Variants in PNPLA7 observed in about 807,000 individuals in gnomAD.
PNPLA7 encodes the protein patatin like domain 7, lysophospholipase, also known as patatin-like phospholipase domain-containing protein 7.
In PNPLA7, 153 loss-of-function variants were observed where a neutral mutation model predicts 161.7. The observed-to-expected ratio is 0.95, with a 90% CI of 0.83 to 1.08. The LOEUF (loss-of-function observed/expected upper bound fraction) is 1.08, where lower values mean the gene tolerates loss of function less well. Ranked by LOEUF, PNPLA7 falls within the 50% of genes least tolerant of loss-of-function variation. The pLI is 0.00. For missense variants in PNPLA7, 1,739 were observed against 1,856.6 expected (o/e 0.94, Z 1.16); for synonymous variants, 809 against 782.1 (o/e 1.03, Z -0.57).
chr9:137,516,457 G>A, intron 11 of PNPLA7: 4 of 985,274 alleles, frequency 4.1e-6, no homozygotes, highest in Non-Finnish European at 4.8e-6. Flanking sequence ...GCCCCATCAA[G>A]TCACATGGAC....
At chr9:137,498,428 G>A (rs1233146855) in intron 16 of PNPLA7, among the ~76,000 whole-genome samples, 183 bp from the exon 17 acceptor site, 1 of 152,252 alleles carries the variant, frequency 6.6e-6, no homozygotes, top group Non-Finnish European at 1.5e-5. Context: ...GCACAGCACT[G>A]CCCACCACGT....
rs151061311 is a variant in PNPLA7, at chr9:137,522,806, T to C, written c.799A>G (p.Thr267Ala). 2.0e-5 allele frequency: 32 copies of C among 1,613,692 alleles called. No homozygotes were observed. The African/African-American group carries it at 4.0e-4, about 20-fold the overall frequency. The change falls in exon 9 of 35, where the codon ACC becomes GCC. Residue 267 changes from threonine to alanine, a missense_variant. Physicochemically the swap from Thr to Ala is moderately conservative, Grantham distance 58. Coordinates refer to ENST00000406427, the MANE Select transcript of PNPLA7 (RefSeq NM_001098537.3). ...TVSVRAAIPSTILRLPAAAFH... is the reference protein window; with the variant it reads ...TVSVRAAIPSAILRLPAAAFH... ...GCCGCAGCTGGAAGCCGGAGGATGG[T>C]GGACGGGATGGCCGCGCGGACGGAG...
chr9:137,498,820 C>T (rs563573726), intron 16 of PNPLA7, among the ~76,000 whole-genome samples: 3 of 152,268 alleles, frequency 2.0e-5, no homozygotes, highest in East Asian at 3.9e-4. Flanking sequence ...CGAGGTGGGA[C>T]GTGGGGCAAC....
At chr9:137,477,030 C>A (rs1329930043) in intron 25 of PNPLA7, among the ~76,000 whole-genome samples, 1 of 152,224 alleles carries the variant, frequency 6.6e-6, no homozygotes. Context: ...TGCTGGCACT[C>A]CGTGGGAGAT....
chr9:137,462,825 C>T lies in PNPLA7; in HGVS notation c.3352G>A (p.Ala1118Thr), dbSNP rs1367687758. The change falls in exon 30 of 35, where the codon GCC becomes ACC. Residue 1118 changes from alanine (A) to threonine (T), a missense_variant. Coordinates refer to ENST00000406427, the MANE Select transcript of PNPLA7 (RefSeq NM_001098537.3). ...GYINNLPADV[A>T]RSMGAKVVIA... ...ACCACTTTTGCCCCCATGGACCGGGCCACATCCGCTAGGGAGAAGCCAGCC... is the reference window on the plus strand; with the variant it reads ...ACCACTTTTGCCCCCATGGACCGGGTCACATCCGCTAGGGAGAAGCCAGCC... 6.2e-7 allele frequency: 1 copy of T among 1,613,698 alleles called. No homozygotes were observed. The highest frequency in any genetic ancestry group is 1.3e-5 in the African/African-American group (1 of 74,926).
In PNPLA7 at chr9:137,500,848, G is replaced by C; in HGVS notation, c.1600C>G (p.Arg534Gly). ...GTGTCCTCCTGGCTGCCGATCTTCC[G>C]CTGGTACACGTGCAGCAGCCCCGAG... ...VVSGLLHVYQ[R>G]KIGSQEDTCL... Residue 534 changes from arginine to glycine, a missense_variant, in exon 16 of 35, where the codon CGG becomes GGG. Physicochemically the swap from Arg to Gly is moderately radical, Grantham distance 125. Coordinates refer to ENST00000406427, the MANE Select transcript of PNPLA7 (RefSeq NM_001098537.3). The surrounding 1 kb of genome is among the most constrained non-coding windows in gnomAD (Gnocchi z 5.5). The C allele has an allele frequency of 6.3e-7, 1 of 1,595,898 alleles. No individual in the cohort carries two copies. Among genetic ancestry groups the C allele is most frequent in the Non-Finnish European group, 8.5e-7 (1 of 1,173,404 alleles).
At position 137,468,138 on chromosome 9, in the gene PNPLA7, C is replaced by G. The variant is rs1057140953; in HGVS notation, c.2883-665G>C. ...TCCTGAGGGGCAGCACCCCAGGAGTCAGATGAGCTGGATGTAGACCAGCAC... is the reference window on the plus strand; with the variant it reads ...TCCTGAGGGGCAGCACCCCAGGAGTGAGATGAGCTGGATGTAGACCAGCAC... On this transcript the variant is annotated intron_variant, in intron 25 of 34. Coordinates refer to ENST00000406427, the MANE Select transcript of PNPLA7 (RefSeq NM_001098537.3). This position sits in a 1 kb window ranked among gnomAD's most constrained non-coding sequence, Gnocchi z 4.0. Among the ~76,000 whole-genome samples the G allele has an allele frequency of 6.6e-6, 1 of 151,990 alleles. No individual in the cohort carries two copies. Among genetic ancestry groups the G allele is most frequent in the African/African-American group, 2.4e-5 (1 of 41,370 alleles).
intron 4 of PNPLA7, among the ~76,000 whole-genome samples, chr9:137,545,510 G>A (rs532430183): frequency 4.6e-5 from 7 of 152,326 alleles, no homozygotes; most frequent in South Asian, 4.1e-4. Flanking sequence ...TCTGGGGGCC[G>A]ACAGGGCCTT....
intron 14 of PNPLA7, among the ~76,000 whole-genome samples, chr9:137,502,712 CGGGGGACGCGGGGGACGG>C (rs770737738): frequency 4.9e-4 from 4 of 8,212 alleles, no homozygotes; most frequent in East Asian, 4.8e-3. Context: ...GCGGGGGACG[CGGGGGACGCGGGGGACGG>C]GGGGGACGAG....
chr9:137,488,156 T>C (rs1832585946), intron 20 of PNPLA7, among the ~76,000 whole-genome samples: 1 of 152,236 alleles, frequency 6.6e-6, no homozygotes, highest in South Asian at 2.1e-4. Context: ...TGATGTCTCG[T>C]CCCGAGCTTC....
intron 25 of PNPLA7, among the ~76,000 whole-genome samples, chr9:137,475,146 T>C (rs1831889760): frequency 6.6e-6 from 1 of 151,972 alleles, no homozygotes; most frequent in South Asian, 2.1e-4. Flanking sequence ...AAGGGTCCAC[T>C]GGGAATCCAG....
chr9:137,480,887 G>A, intron 22 of PNPLA7, 73 bp downstream of exon 22: 1 of 1,442,074 alleles, frequency 6.9e-7, no homozygotes, highest in Non-Finnish European at 9.5e-7. Flanking sequence ...GCTGGATGTG[G>A]ACACAGTGGG....
Position 137,543,861 on chromosome 9 carries a change from A to G in PNPLA7, c.274-46T>C, listed in dbSNP as rs746563498. 3.3e-6 allele frequency: 5 copies of G among 1,515,170 alleles called. No individual in the cohort carries two copies. The East Asian group carries it at 1.1e-4, about 34-fold the overall frequency. 93.9% of individuals were successfully genotyped at this position (1,515,170 alleles called of 1,614,324 possible). On this transcript the variant is annotated intron_variant, in intron 4 of 34. Coordinates refer to ENST00000406427, the MANE Select transcript of PNPLA7 (RefSeq NM_001098537.3). The surrounding 1 kb of genome is among the most constrained non-coding windows in gnomAD (Gnocchi z 6.9). Reference sequence around the variant, plus strand: ...CCAGCCACTGACCCTGCAAGCCGCAAGGTCCAAGCTCTTTGCCATGGGGAT... The same window carrying G: ...CCAGCCACTGACCCTGCAAGCCGCAGGGTCCAAGCTCTTTGCCATGGGGAT...
intron 12 of PNPLA7, among the ~76,000 whole-genome samples, chr9:137,513,202 GT>G (rs1345708313): frequency 2.0e-5 from 3 of 151,928 alleles, no homozygotes; most frequent in Non-Finnish European, 2.9e-5. Context: ...AATAAAAATA[GT>G]CTTTGAGGCC....
At chr9:137,508,040 A>T (rs557569687) in intron 12 of PNPLA7, among the ~76,000 whole-genome samples, 20 of 152,094 alleles carry the variant, frequency 1.3e-4, no homozygotes, top group Admixed American at 1.1e-3. Context: ...CAAAAATTTT[A>T]AAAACCAGCC....
At chr9:137,480,929 G>C in intron 22 of PNPLA7, 31 bp downstream of exon 22, 1 of 1,550,138 alleles carries the variant, frequency 6.5e-7, no homozygotes, top group Non-Finnish European at 8.7e-7. Context: ...GGGCCGGCTG[G>C]GAGGAAGGAG....
intron 11 of PNPLA7, among the ~76,000 whole-genome samples, chr9:137,518,783 C>T (rs1588665615): frequency 1.5e-5 from 1 of 65,032 alleles, no homozygotes; most frequent in Non-Finnish European, 3.0e-5. Flanking sequence ...CACTCCATCC[C>T]CCACTCACTC....
At chr9:137,475,435 C>T (rs1052229103) in intron 25 of PNPLA7, among the ~76,000 whole-genome samples, 1 of 152,146 alleles carries the variant, frequency 6.6e-6, no homozygotes, top group South Asian at 2.1e-4. Flanking sequence ...AGGGCAGTGG[C>T]GCAATCTCAG....
intron 1 of PNPLA7, among the ~76,000 whole-genome samples, chr9:137,548,267 C>T (rs540905110): frequency 4.6e-5 from 7 of 152,284 alleles, no homozygotes; most frequent in African/African-American, 1.2e-4. Context: ...GACGAGAAGA[C>T]GACACCAGCC....
Sources: gnomAD v4.1 joint callset for allele counts (sites outside exome capture counted in the v4.1 genomes callset) on GRCh38, gnomAD v4.1.1 for gene constraint, Gnocchi (gnomAD v3.1) non-coding constraint, MANE v1.5 for transcripts, NCBI Gene and HGNC (gene_info 2026-07-23, HGNC 2026-07-21) for gene names.